GFRA1: variants seen among roughly 807,000 people sequenced by gnomAD.
The protein encoded by GFRA1 is GDNF family receptor alpha 1, also known as GDNF family receptor alpha-1.
Under a neutral mutation model 51.6 loss-of-function variants are expected in GFRA1, and 16 were observed. The observed-to-expected ratio is 0.31, with a 90% CI of 0.21 to 0.47. GFRA1 has a LOEUF of 0.47. Ranked by LOEUF, GFRA1 falls within the 20% of genes least tolerant of loss-of-function variation. The pLI is 1.00. For synonymous variants in GFRA1, 270 were observed against 241.3 expected, an observed-to-expected ratio of 1.12 and a Z score of -1.10; for missense variants, 530 against 594.3, an observed-to-expected ratio of 0.89 and a Z score of 1.13.
At position 116,109,464 on chromosome 10, in the gene GFRA1, A is replaced by G. The variant is rs371661952; in HGVS notation, c.771-12700T>C. On this transcript the variant is annotated intron_variant, in intron 6 of 10. Coordinates refer to ENST00000355422, the MANE Select transcript of GFRA1 (RefSeq NM_005264.8). ...GTAGCTTAAAAACATAAAAAAAATAATATCTGTTGTTACTGTTCAGTAGGG... is the reference window on the plus strand; with the variant it reads ...GTAGCTTAAAAACATAAAAAAAATAGTATCTGTTGTTACTGTTCAGTAGGG... Among the ~76,000 whole-genome samples, 14 of 152,298 alleles carry G rather than the reference A, an allele frequency of 9.2e-5. No individual in the cohort carries two copies. The East Asian group carries it at 9.7e-4, about 11-fold the overall frequency.
chr10:116,057,749 A>G lies in GFRA1; in HGVS notation c.*6649T>C, dbSNP rs2133722061. On this transcript the variant is annotated 3_prime_UTR_variant, in exon 11 of 11. Transcript: ENST00000355422. The stretch of plus-strand genomic sequence containing the variant: ...TTCTGAAACTGTTTTTTTTTTTTCA[A>G]CCCTCGGAGGACAATCAGCTCTTCC... 1 of 146,048 alleles carries G rather than the reference A, an allele frequency of 6.8e-6. No homozygotes were observed. The highest frequency in any genetic ancestry group is 2.2e-4 in the South Asian group (1 of 4,562). 9.0% of individuals were successfully genotyped at this position (146,048 alleles called of 1,614,324 possible).
intron 6 of GFRA1, among the ~76,000 whole-genome samples, chr10:116,100,341 G>A (rs1363329151): frequency 3.3e-5 from 5 of 152,282 alleles, no homozygotes; most frequent in East Asian, 1.9e-4. Flanking sequence ...TGAGGAAACC[G>A]AGGCACGGAG....
chr10:116,134,244 T>C (rs1218299629), intron 5 of GFRA1, among the ~76,000 whole-genome samples: 1 of 152,242 alleles, frequency 6.6e-6, no homozygotes, highest in Non-Finnish European at 1.5e-5. Context: ...GGCTGCAGAA[T>C]TGAATTCACA....
At position 116,062,359 on chromosome 10, in the gene GFRA1, G is replaced by C; in HGVS notation, c.*2039C>G. The C allele has an allele frequency of 1.3e-5, 5 of 378,220 alleles. No individual in the cohort carries two copies. The highest frequency in any genetic ancestry group is 2.3e-5 in the Non-Finnish European group (5 of 213,834). 23.4% of individuals were successfully genotyped at this position (378,220 alleles called of 1,614,324 possible). On this transcript the variant is annotated 3_prime_UTR_variant, in exon 11 of 11. Coordinates refer to ENST00000355422, the MANE Select transcript of GFRA1 (RefSeq NM_005264.8). ...CTTAATGTGTTTATTCAAAGTAAGAGTCTTTATAGATCTTTTCACTAATTA... is the reference window on the plus strand; with the variant it reads ...CTTAATGTGTTTATTCAAAGTAAGACTCTTTATAGATCTTTTCACTAATTA...
intron 5 of GFRA1, among the ~76,000 whole-genome samples, chr10:116,158,880 C>G (rs1296878141): frequency 6.6e-6 from 1 of 152,224 alleles, no homozygotes; most frequent in African/African-American, 2.4e-5. Flanking sequence ...GAGGCCTCAA[C>G]ACAGTCTCAG....
intron 7 of GFRA1, among the ~76,000 whole-genome samples, chr10:116,094,603 C>T (rs576833752): frequency 2.6e-5 from 4 of 152,104 alleles, no homozygotes; most frequent in African/African-American, 4.8e-5. Context: ...AGGCAATGCC[C>T]GCTGATGACA....
chr10:116,150,242 G>A (rs371441609), intron 5 of GFRA1, among the ~76,000 whole-genome samples: 4 of 152,072 alleles, frequency 2.6e-5, no homozygotes, highest in Non-Finnish European at 4.4e-5. Context: ...AGTGGTCCTT[G>A]GAGTCCAGAT....
At chr10:116,066,991 G>A (rs542576958) in intron 9 of GFRA1, among the ~76,000 whole-genome samples, 1 of 152,270 alleles carries the variant, frequency 6.6e-6, no homozygotes, top group Non-Finnish European at 1.5e-5. Flanking sequence ...ATGCTACTTG[G>A]GAGGCATCAT....
intron 5 of GFRA1, among the ~76,000 whole-genome samples, chr10:116,140,348 C>T (rs749988640): frequency 2.0e-5 from 3 of 152,088 alleles, no homozygotes; most frequent in Non-Finnish European, 4.4e-5. Context: ...GGCAGATTTA[C>T]GAGCTACTAG....
chr10:116,270,720 G>A, intron 3 of GFRA1, 102 bp downstream of exon 3: 2 of 944,898 alleles, frequency 2.1e-6, no homozygotes, highest in Non-Finnish European at 3.3e-6. Context: ...CTCTGCAGCT[G>A]GGGAGAAGTG....
chr10:116,225,189 C>CA (rs1966191071), intron 4 of GFRA1, among the ~76,000 whole-genome samples: 1 of 151,858 alleles, frequency 6.6e-6, no homozygotes, highest in African/African-American at 2.4e-5. Flanking sequence ...CTTAGGTCAC[C>CA]AAAAAAGGTA....
chr10:116,065,950 A>G (rs913907646), intron 9 of GFRA1, among the ~76,000 whole-genome samples: 3 of 152,284 alleles, frequency 2.0e-5, no homozygotes, highest in Non-Finnish European at 2.9e-5. Flanking sequence ...ATTCAGACTT[A>G]CCCCATTTCA....
intron 5 of GFRA1, among the ~76,000 whole-genome samples, 199 bp from the exon 6 acceptor site, chr10:116,125,756 C>G (rs1034104861): frequency 2.0e-5 from 3 of 152,174 alleles, no homozygotes; most frequent in Admixed American, 2.0e-4. Flanking sequence ...TACGGCAGCA[C>G]AAAAGCCCCT....
chr10:116,174,477 T>C (rs1247060754), intron 5 of GFRA1, among the ~76,000 whole-genome samples: 2 of 152,208 alleles, frequency 1.3e-5, no homozygotes, highest in African/African-American at 2.4e-5. Flanking sequence ...TGCCTACTTT[T>C]AAGACTTCAA....
intron 6 of GFRA1, among the ~76,000 whole-genome samples, chr10:116,122,909 T>C (rs2134012817): frequency 6.6e-6 from 1 of 152,222 alleles, no homozygotes; most frequent in East Asian, 1.9e-4. Context: ...GATCACATCT[T>C]ATTATAGAGA....
At chr10:116,065,547 G>A (rs759451878) in intron 10 of GFRA1, 26 bp downstream of exon 10, 19 of 1,590,448 alleles carry the variant, frequency 1.2e-5, no homozygotes, top group African/African-American at 5.4e-5. Context: ...ATAAATGCAC[G>A]AAGCCTCCAA....
intron 6 of GFRA1, among the ~76,000 whole-genome samples, chr10:116,110,171 ACCTGGCAGGG>A (rs1957152669): frequency 6.6e-6 from 1 of 152,184 alleles, no homozygotes; most frequent in African/African-American, 2.4e-5. Flanking sequence ...TGGGAACCTG[ACCTGGCAGGG>A]GGATGAGACT....
At chr10:116,078,989 A>C (rs6585380) in intron 9 of GFRA1, among the ~76,000 whole-genome samples, 10,514 of 152,020 alleles carry the variant, frequency 0.069, 1,227 homozygotes, top group African/African-American at 0.24. Flanking sequence ...GAGAAGCCTG[A>C]CCATGGTTTG....
At position 116,166,860 on chromosome 10, in the gene GFRA1, T is replaced by C. The variant is rs1483374284; in HGVS notation, c.434-41303A>G. Among the ~76,000 whole-genome samples, 3 of 128,216 alleles carry C rather than the reference T, an allele frequency of 2.3e-5. 1 individual carries two copies. The Admixed American group carries it at 3.1e-4, about 13-fold the overall frequency. 84.1% of individuals were successfully genotyped at this position (128,216 alleles called of 152,430 possible). ...TGTGGCCCAGGCTGGAGTGCAGCGG[T>C]GCGATCTCGGCACACTGCAAGCTCC... is the stretch of plus-strand genomic sequence containing the variant. On this transcript the variant is annotated intron_variant, in intron 5 of 10. Coordinates refer to ENST00000355422, the MANE Select transcript of GFRA1 (RefSeq NM_005264.8).
Sources: gnomAD v4.1 joint callset for allele counts (sites outside exome capture counted in the v4.1 genomes callset) on GRCh38, gnomAD v4.1.1 for gene constraint, MANE v1.5 for transcripts, NCBI Gene and HGNC (gene_info 2026-07-23, HGNC 2026-07-21) for gene names.